TBX3: variants seen among roughly 807,000 people sequenced by gnomAD.
TBX3 encodes T-box transcription factor 3, also known as T-box transcription factor TBX3.
In TBX3, 11 loss-of-function variants were observed where a neutral mutation model predicts 47.8. The observed-to-expected ratio is 0.23, with a 90% confidence interval of 0.14 to 0.38. The LOEUF is 0.38. Among genes scored for constraint, TBX3 ranks in the 10% least tolerant of loss-of-function variants. TBX3 has a pLI of 1.00. For synonymous variants in TBX3, 500 were observed against 449.3 expected, an observed-to-expected ratio of 1.11 and a Z score of -1.43; for missense variants, 927 against 1,022.8, an observed-to-expected ratio of 0.91 and a Z score of 1.28.
chr12:114,674,352 C>T lies in TBX3; in HGVS notation c.1523G>A (p.Gly508Glu). ...LFLHPSQFAM[G>E]GAFSSMAAAG... ...GGCCGCCATGCTGGAGAAGGCGCCCCCCATGGCAAACTGGCTGGGGTGCAG... is the reference window on the plus strand; with the variant it reads ...GGCCGCCATGCTGGAGAAGGCGCCCTCCATGGCAAACTGGCTGGGGTGCAG... Residue 508 changes from glycine to glutamate, a missense_variant, in exon 6 of 7, where the codon GGG becomes GAG. Gly to Glu is a moderately conservative substitution (Grantham distance 98). This residue lies in a region of TBX3 where 623 missense variants were observed against 569.0 expected (regional missense o/e 1.09). Transcript: ENST00000349155. The T allele has an allele frequency of 7.7e-6, 12 of 1,557,436 alleles. No individual in the cohort carries two copies. The highest frequency in any genetic ancestry group is 1.0e-5 in the Non-Finnish European group (12 of 1,150,794).
chr12:114,676,398 C>T lies in TBX3; in HGVS notation c.954G>A (p.Glu318=), dbSNP rs1347633743. Residue 318 remains glutamate, a synonymous_variant, in exon 5 of 7, where the codon GAG becomes GAA. Coordinates refer to ENST00000349155, the MANE Select transcript of TBX3 (RefSeq NM_005996.4). ...RHKKENGTSD[E]SSSEQAAFNC... is the part of the protein sequence containing the mutation. ...TGAAAGCTGCTTGTTCACTGGAGGA[C>T]TCATCAGAGGTCCCATTCTCCTTTT... 8 of 1,614,232 alleles carry T rather than the reference C, an allele frequency of 5.0e-6. No individual in the cohort carries two copies. In the East Asian group the frequency reaches 1.3e-4, roughly 27 times the overall value.
At chr12:114,679,202 C>G (rs559703412) in intron 3 of TBX3, among the ~76,000 whole-genome samples, 1 of 152,112 alleles carries the variant, frequency 6.6e-6, no homozygotes, top group South Asian at 2.1e-4. Context: ...AACCTTAAAA[C>G]AGACAGGACA....
At chr12:114,676,272 A>G (rs1868704643) in intron 5 of TBX3, 41 bp downstream of exon 5, 1 of 1,611,732 alleles carries the variant, frequency 6.2e-7, no homozygotes, top group Non-Finnish European at 8.5e-7. Flanking sequence ...CCAGGCCACG[A>G]GGGACTGGAG....
Position 114,679,732 on chromosome 12 carries a change from G to A in TBX3, c.658-81C>T. ...GGGATCTTAGGACCCCTGCCAGGCT[G>A]AAATCTTCCCCACCGCAGGGTACCA... On this transcript the variant is annotated intron_variant, in intron 2 of 6. Coordinates refer to ENST00000349155, the MANE Select transcript of TBX3 (RefSeq NM_005996.4). 1.9e-6 allele frequency: 3 copies of A among 1,601,600 alleles called. No individual in the cohort carries two copies. The South Asian group carries it at 3.3e-5, about 18-fold the overall frequency.
chr12:114,679,677 T>C, intron 2 of TBX3, 26 bp from the exon 3 acceptor site: 1 of 1,613,984 alleles, frequency 6.2e-7, no homozygotes, highest in Non-Finnish European at 8.5e-7. Context: ...AGAGGAGACA[T>C]ACATAAAACA....
Position 114,672,257 on chromosome 12 carries a change from T to A in TBX3, c.1756A>T (p.Thr586Ser). Residue 586 changes from threonine to serine, a missense_variant, in exon 7 of 7, where the codon ACG becomes TCG. This residue lies in a region of TBX3 where 623 missense variants were observed against 569.0 expected (regional missense o/e 1.09). Coordinates refer to ENST00000349155, the MANE Select transcript of TBX3 (RefSeq NM_005996.4). ...PFGSLFPYPY[T>S]YMAAAAAASS... The stretch of plus-strand genomic sequence containing the variant: ...GCGGCCGCCGCTGCGGCCATGTACG[T>A]GTAGGGGTAAGGGAACAGGCTTCCG... 6.3e-7 allele frequency: 1 copy of A among 1,576,310 alleles called. No homozygotes were observed. Among genetic ancestry groups the A allele is most frequent in the Non-Finnish European group, 8.6e-7 (1 of 1,161,884 alleles).
intron 4 of TBX3, among the ~76,000 whole-genome samples, chr12:114,676,684 G>C (rs1868725385): frequency 6.6e-6 from 1 of 152,202 alleles, no homozygotes; most frequent in South Asian, 2.1e-4. Context: ...TGTGGCAGAG[G>C]GTTAGGGAGA....
In TBX3 at chr12:114,670,855, T is replaced by G. The variant is rs774770087; in HGVS notation, c.*986A>C. 2.3e-5 allele frequency: 5 copies of G among 215,472 alleles called. No individual in the cohort carries two copies. Among genetic ancestry groups the G allele is most frequent in the African/African-American group, 4.5e-5 (2 of 44,484 alleles). 13.3% of individuals were successfully genotyped at this position (215,472 alleles called of 1,614,324 possible). A position where few individuals can be genotyped will look rare whatever the true frequency, so the allele number is the denominator to read the frequency against. ...TATTTACACAGAGCTATGTACAATG[T>G]CAATAAATTAAAGTTTAATTTTCCA... On this transcript the variant is annotated 3_prime_UTR_variant, in exon 7 of 7. Coordinates refer to ENST00000349155, the MANE Select transcript of TBX3 (RefSeq NM_005996.4).
rs193133483 is a variant in TBX3 at position 114,670,554 on chromosome 12, C to A, written c.*1287G>T. The A allele has an allele frequency of 4.2e-4, 82 of 196,898 alleles. No homozygotes were observed. Among genetic ancestry groups the A allele is most frequent in the African/African-American group, 1.6e-3 (70 of 44,390 alleles). 12.2% of individuals were successfully genotyped at this position (196,898 alleles called of 1,614,324 possible). On this transcript the variant is annotated 3_prime_UTR_variant, in exon 7 of 7. Coordinates refer to ENST00000349155, the MANE Select transcript of TBX3 (RefSeq NM_005996.4). ...AAAGTCAAACCGCAGCCTCTGCCCTCCTCCCTCCCCACAGCAATCTCAGTT... is the reference window on the plus strand; with the variant it reads ...AAAGTCAAACCGCAGCCTCTGCCCTACTCCCTCCCCACAGCAATCTCAGTT...
chr12:114,675,898 C>T (rs1565860149), intron 5 of TBX3, among the ~76,000 whole-genome samples: 2 of 152,062 alleles, frequency 1.3e-5, no homozygotes, highest in Non-Finnish European at 2.9e-5. Context: ...CCACCCAGTC[C>T]AACACATTGT....
chr12:114,673,571 G>A (rs528188046), intron 6 of TBX3, among the ~76,000 whole-genome samples: 2 of 152,266 alleles, frequency 1.3e-5, no homozygotes, highest in South Asian at 2.1e-4. Flanking sequence ...GAGGAATCAA[G>A]ACTGAACTCC....
In TBX3 at chr12:114,674,410, C is replaced by T; in HGVS notation, c.1465G>A (p.Gly489Ser). 2 of 1,550,652 alleles carry T rather than the reference C, an allele frequency of 1.3e-6. No homozygotes were observed. The highest frequency in any genetic ancestry group is 1.7e-6 in the Non-Finnish European group (2 of 1,147,366). The change falls in exon 6 of 7, where the codon GGC becomes AGC. Residue 489 changes from glycine to serine, a missense_variant. Physicochemically the swap from Gly to Ser is moderately conservative, Grantham distance 56. This residue lies in a region of TBX3 where 623 missense variants were observed against 569.0 expected (regional missense o/e 1.09). Coordinates refer to ENST00000349155, the MANE Select transcript of TBX3 (RefSeq NM_005996.4). ...GGGTGCCCGTTGAAGAACTGTTGGC[C>T]CGCCAGGCCCGGGGCGAAGCCGAGG... ...PGLGFAPGLA[G>S]QQFFNGHPLF...
At chr12:114,679,840 G>A in intron 2 of TBX3, 189 bp from the exon 3 acceptor site, 1 of 1,565,660 alleles carries the variant, frequency 6.4e-7, no homozygotes, top group South Asian at 1.1e-5. Flanking sequence ...AATCCAAATT[G>A]CTCCTCAGTT....
At position 114,683,177 on chromosome 12, in the gene TBX3, C is replaced by A. The variant is rs1337033416; in HGVS notation, c.24G>T (p.Pro8=). The part of the protein sequence containing the change: MSLSMRD[P]VIPGTSMAYH... ...AGGCCATGCTTGTCCCAGGAATGACCGGATCTCTCATGGAGAGGCTCATCC... is the reference window on the plus strand; with the variant it reads ...AGGCCATGCTTGTCCCAGGAATGACAGGATCTCTCATGGAGAGGCTCATCC... Residue 8 remains proline (P), a synonymous_variant, in exon 1 of 7, where the codon CCG becomes CCT. Transcript: ENST00000349155. The surrounding 1 kb of genome is among the most constrained non-coding windows in gnomAD (Gnocchi z 7.7). The A allele has an allele frequency of 6.2e-7, 1 of 1,611,870 alleles. No individual in the cohort carries two copies. Among genetic ancestry groups the A allele is most frequent in the Non-Finnish European group, 8.5e-7 (1 of 1,179,284 alleles).
chr12:114,673,371 G>A (rs1382392164), intron 6 of TBX3, among the ~76,000 whole-genome samples: 1 of 152,202 alleles, frequency 6.6e-6, no homozygotes, highest in Non-Finnish European at 1.5e-5. Context: ...GGTGTTTCCA[G>A]CCGCCTGAGA....
intron 3 of TBX3, 129 bp downstream of exon 3, chr12:114,679,376 C>T: frequency 1.5e-6 from 2 of 1,342,640 alleles, no homozygotes; most frequent in Non-Finnish European, 2.1e-6. Flanking sequence ...CCCAAATGCT[C>T]CACAAATCAC....
rs1314937294 is a variant in TBX3 at position 114,672,428 on chromosome 12, G to A, written c.1711-126C>T. 5 of 645,124 alleles carry A rather than the reference G, an allele frequency of 7.8e-6. No homozygotes were observed. In the East Asian group the frequency reaches 1.6e-4, roughly 21 times the overall value. 40.0% of individuals were successfully genotyped at this position (645,124 alleles called of 1,614,324 possible). A position where few individuals can be genotyped will look rare whatever the true frequency, so the allele number is the denominator to read the frequency against. ...ATCCCTGGTATGTTCTGTTGTTGTT[G>A]TTGTTGTGTTTTTTTTTTTGGGGGG... On this transcript the variant is annotated intron_variant, in intron 6 of 6. Coordinates refer to ENST00000349155, the MANE Select transcript of TBX3 (RefSeq NM_005996.4).
rs528719787 is a variant in TBX3, at chr12:114,672,213, G to A, written c.1800C>T (p.Ser600=). The change falls in exon 7 of 7, where the codon TCC becomes TCT. Residue 600 remains serine (S), a synonymous_variant. Transcript: ENST00000349155. ...GGAAGGGGTGGCGGTGCACCGAGCT[G>A]GAGGCTGCCGCAGAGGAGGCGGCCG... ...AAAAASSAAA[S]SSVHRHPFLN... is the part of the protein sequence containing the mutation. The A allele has an allele frequency of 4.6e-5, 73 of 1,572,918 alleles. No homozygotes were observed. In the Admixed American group the frequency reaches 1.1e-3, roughly 23 times the overall value.
rs914555942 is a variant in TBX3, at chr12:114,670,752, T to C, written c.*1089A>G. 1 of 212,678 alleles carries C rather than the reference T, an allele frequency of 4.7e-6. No individual in the cohort carries two copies. The highest frequency in any genetic ancestry group is 2.3e-5 in the African/African-American group (1 of 44,310). The allele number at this position is 212,678 out of a possible 1,614,324, so 13.2% of individuals were successfully genotyped here. A position where few individuals can be genotyped will look rare whatever the true frequency, so the allele number is the denominator to read the frequency against. On this transcript the variant is annotated 3_prime_UTR_variant, in exon 7 of 7. Coordinates refer to ENST00000349155, the MANE Select transcript of TBX3 (RefSeq NM_005996.4). ...TTGGTGCAGGAAGTGTGTTTTCTAGTGTTAACAGCAATTCTGTGACCTGGA... is the reference window on the plus strand; with the variant it reads ...TTGGTGCAGGAAGTGTGTTTTCTAGCGTTAACAGCAATTCTGTGACCTGGA...
Sources: gnomAD v4.1 joint callset for allele counts (sites outside exome capture counted in the v4.1 genomes callset) on GRCh38, gnomAD v4.1.1 for gene constraint, gnomAD v4.1.1 regional missense constraint, Gnocchi (gnomAD v3.1) non-coding constraint, MANE v1.5 for transcripts, NCBI Gene and HGNC (gene_info 2026-07-23, HGNC 2026-07-21) for gene names.